Variants in PCDH11Y observed in about 807,000 individuals in gnomAD.
The protein encoded by PCDH11Y is protocadherin 11 Y-linked.
For synonymous variants in PCDH11Y, 9 were observed against 83.6 expected (o/e 0.11, Z 4.87); for missense variants, 12 against 224.8 (o/e 0.05, Z 6.05).
chrY:5,325,601 A>G, intron 2 of PCDH11Y, among the ~76,000 whole-genome samples: 1 of 33,589 alleles, frequency 3.0e-5, no homozygotes, highest in Non-Finnish European at 7.4e-5. Context: ...AAGGAGATTC[A>G]GCATAGTCCT....
intron 1 of PCDH11Y, among the ~76,000 whole-genome samples, chrY:5,024,993 A>C: frequency 1.2e-4 from 4 of 33,039 alleles, no homozygotes; most frequent in African/African-American, 4.7e-4. Flanking sequence ...ACTCATATAA[A>C]TCTTCTTTCA....
chrY:5,734,065 T>G (rs2556868), intron 4 of PCDH11Y, among the ~76,000 whole-genome samples: 21 of 31,978 alleles, frequency 6.6e-4, no homozygotes, highest in African/African-American at 2.6e-3. Context: ...ACAAGGGGGG[T>G]GTTGCTCAGG....
chrY:5,534,744 A>G, intron 3 of PCDH11Y, among the ~76,000 whole-genome samples: 1 of 33,486 alleles, frequency 3.0e-5, no homozygotes, highest in African/African-American at 1.2e-4. Context: ...TCAAACGGTA[A>G]TTCTACTTTA....
intron 2 of PCDH11Y, among the ~76,000 whole-genome samples, chrY:5,394,354 T>C: frequency 2.8e-5 from 1 of 35,163 alleles, no homozygotes; most frequent in Non-Finnish European, 7.1e-5. Flanking sequence ...TAGACCTAAA[T>C]TTTGTTCAGT....
intron 4 of PCDH11Y, among the ~76,000 whole-genome samples, chrY:5,653,099 C>A (rs2124706367): frequency 3.2e-5 from 1 of 31,164 alleles, no homozygotes; most frequent in African/African-American, 1.3e-4. Context: ...AAAACCCCAT[C>A]TGTAGGTCAC....
intron 4 of PCDH11Y, among the ~76,000 whole-genome samples, chrY:5,639,391 A>G: frequency 3.0e-5 from 1 of 33,279 alleles, no homozygotes; most frequent in Non-Finnish European, 7.4e-5. Context: ...CCATTGCAAT[A>G]AAGTGAAATA....
chrY:5,707,505 G>T, intron 4 of PCDH11Y, among the ~76,000 whole-genome samples: 1 of 26,791 alleles, frequency 3.7e-5, no homozygotes, highest in Admixed American at 4.0e-4. Flanking sequence ...ATTTAACAAA[G>T]AGCTTGAAAT....
At chrY:5,704,961 T>C (rs2124712474) in intron 4 of PCDH11Y, among the ~76,000 whole-genome samples, 2 of 32,148 alleles carry the variant, frequency 6.2e-5, no homozygotes, top group East Asian at 8.2e-4. Context: ...GTATGTAACA[T>C]AATATTCAAT....
rs2124671718 is a variant in PCDH11Y, at chrY:5,360,144, T to C, written c.3130-140913T>C. 1.8e-4 allele frequency among the ~76,000 whole-genome samples: 6 copies of C among 32,910 alleles called. No homozygotes were observed. In the South Asian group the frequency reaches 3.4e-3, roughly 18 times the overall value. The allele number at this position is 32,910 out of a possible 37,273, so 88.3% of individuals were successfully genotyped here. Reference sequence around the variant, plus strand: ...TTATTCTAATAGGAGTGATAAAATATGTCCCTCAAGTGCTGGTGCAAGAAT... The same window carrying C: ...TTATTCTAATAGGAGTGATAAAATACGTCCCTCAAGTGCTGGTGCAAGAAT... On this transcript the variant is annotated intron_variant, in intron 2 of 4. Coordinates refer to the PCDH11Y transcript ENST00000400457.
chrY:5,532,373 A>G, intron 3 of PCDH11Y, among the ~76,000 whole-genome samples: 1 of 19,540 alleles, frequency 5.1e-5, no homozygotes, highest in Non-Finnish European at 1.2e-4. Context: ...TTTGCATGGT[A>G]TATCTTTTTC....
chrY:5,318,461 C>T (rs2053109280), intron 2 of PCDH11Y, among the ~76,000 whole-genome samples: 4 of 32,980 alleles, frequency 1.2e-4, no homozygotes, highest in Admixed American at 2.8e-4. Flanking sequence ...GAGATGAACT[C>T]TCCAAACATT....
intron 2 of PCDH11Y, among the ~76,000 whole-genome samples, chrY:5,443,221 T>C: frequency 3.0e-5 from 1 of 32,924 alleles, no homozygotes; most frequent in Non-Finnish European, 7.5e-5. Flanking sequence ...TACTATTTCA[T>C]GAACAAGTGG....
chrY:5,251,682 C>T (rs2053004334), intron 2 of PCDH11Y, among the ~76,000 whole-genome samples: 1 of 31,744 alleles, frequency 3.2e-5, no homozygotes, highest in Non-Finnish European at 7.8e-5. Flanking sequence ...TGTATATATA[C>T]ACACACACAC....
chrY:5,570,298 C>T, intron 3 of PCDH11Y, among the ~76,000 whole-genome samples: 1 of 31,057 alleles, frequency 3.2e-5, no homozygotes, highest in Non-Finnish European at 7.8e-5. Context: ...TCTTTGCTGA[C>T]ATAAAATATT....
chrY:5,132,657 A>G, intron 2 of PCDH11Y, among the ~76,000 whole-genome samples: 1 of 32,329 alleles, frequency 3.1e-5, no homozygotes, highest in Non-Finnish European at 7.6e-5. Context: ...GTTTGTTTTT[A>G]GGCCATCCAA....
chrY:5,650,781 T>C, intron 4 of PCDH11Y, among the ~76,000 whole-genome samples: 1 of 32,532 alleles, frequency 3.1e-5, no homozygotes. Flanking sequence ...AGTTTTTTAA[T>C]GAATATATTA....
chrY:5,342,848 A>T, intron 2 of PCDH11Y, among the ~76,000 whole-genome samples: 1 of 30,218 alleles, frequency 3.3e-5, no homozygotes, highest in Non-Finnish European at 7.9e-5. Context: ...GGAAAAAAAG[A>T]TGCAACTAAC....
chrY:5,158,191 A>C, intron 2 of PCDH11Y, among the ~76,000 whole-genome samples: 2 of 30,037 alleles, frequency 6.7e-5, no homozygotes, highest in Admixed American at 3.2e-4. Flanking sequence ...TATTTACCCA[A>C]AATGCTACTA....
chrY:5,414,698 T>A (rs1602922241), intron 2 of PCDH11Y, among the ~76,000 whole-genome samples: 1 of 33,289 alleles, frequency 3.0e-5, no homozygotes, highest in Admixed American at 2.7e-4. Context: ...TGTGGGCTGA[T>A]TTTTCTTCAA....
Sources: allele counts gnomAD v4.1 joint callset (sites outside exome capture counted in the v4.1 genomes callset), GRCh38; gene constraint gnomAD v4.1.1; transcripts MANE v1.5; gene names NCBI Gene and HGNC (gene_info 2026-07-23, HGNC 2026-07-21).